Variants in NMT2 observed in about 807,000 individuals in gnomAD.
The protein encoded by NMT2 is N-myristoyltransferase 2, also known as glycylpeptide N-tetradecanoyltransferase 2.
In NMT2, 35 loss-of-function variants were observed where a neutral mutation model predicts 65.4. The ratio of observed to expected loss-of-function variants is 0.54; its 90% CI spans 0.41 to 0.71. The LOEUF (loss-of-function observed/expected upper bound fraction) is 0.71, where lower values mean the gene tolerates loss of function less well. Ranked by LOEUF, NMT2 falls within the 30% of genes least tolerant of loss-of-function variation. The pLI, the probability that NMT2 is intolerant of heterozygous loss-of-function variation, is 0.00. For missense variants in NMT2, 489 were observed against 611.3 expected (o/e 0.80, Z 2.11); for synonymous variants, 226 against 231.8 (o/e 0.98, Z 0.23).
At chr10:15,164,673 G>C (rs538889683) in intron 1 of NMT2, among the ~76,000 whole-genome samples, 3 of 152,286 alleles carry the variant, frequency 2.0e-5, no homozygotes, top group East Asian at 1.9e-4. Flanking sequence ...CAAAAACACA[G>C]CAAAATGAGG....
At chr10:15,113,534 C>T (rs903602948) in intron 9 of NMT2, among the ~76,000 whole-genome samples, 1 of 149,464 alleles carries the variant, frequency 6.7e-6, no homozygotes, top group African/African-American at 2.5e-5. Context: ...AAGCTTCCCT[C>T]AGGCTGACAA....
In NMT2 at chr10:15,127,564, A is replaced by G. The variant is rs796681355; in HGVS notation, c.999+786T>C. Among the ~76,000 whole-genome samples the G allele has an allele frequency of 3.3e-5, 3 of 90,410 alleles. No individual in the cohort carries two copies. The African/African-American group carries it at 3.9e-4, about 12-fold the overall frequency. 59.3% of individuals were successfully genotyped at this position (90,410 alleles called of 152,430 possible). A position where few individuals can be genotyped will look rare whatever the true frequency, so the allele number is the denominator to read the frequency against. ...TCCGTCTCAAAAAAAAAAAAAAAAA[A>G]AAAAAATAAATAAATAAATAAATAA... On this transcript the variant is annotated intron_variant, in intron 8 of 11. Coordinates refer to ENST00000378165, the MANE Select transcript of NMT2 (RefSeq NM_004808.3).
chr10:15,131,594 C>T (rs570123123), intron 6 of NMT2, among the ~76,000 whole-genome samples: 5 of 152,146 alleles, frequency 3.3e-5, no homozygotes, highest in East Asian at 3.8e-4. Context: ...AGAGCTGGTG[C>T]GCTCTGAACT....
intron 11 of NMT2, 36 bp from the exon 12 acceptor site, chr10:15,109,251 T>C (rs1404454623): frequency 5.0e-6 from 8 of 1,603,384 alleles, no homozygotes; most frequent in Non-Finnish European, 6.0e-6. Flanking sequence ...GTAAGAAAAA[T>C]TAGATTGCAA....
At chr10:15,130,703 CAAAAAA>C (rs974360507) in intron 6 of NMT2, among the ~76,000 whole-genome samples, 2 of 28,632 alleles carry the variant, frequency 7.0e-5, no homozygotes, top group African/African-American at 2.5e-4. Flanking sequence ...GGCCCTGTCT[CAAAAAA>C]AAAAAAAAAA....
At chr10:15,119,639 A>G in intron 8 of NMT2, 126 bp from the exon 9 acceptor site, 1 of 705,562 alleles carries the variant, frequency 1.4e-6, no homozygotes, top group Non-Finnish European at 2.4e-6. Flanking sequence ...TTAGAGCTGC[A>G]GAGCCTGGCC....
At chr10:15,152,359 G>A (rs1832835080) in intron 1 of NMT2, among the ~76,000 whole-genome samples, 1 of 152,220 alleles carries the variant, frequency 6.6e-6, no homozygotes, top group African/African-American at 2.4e-5. Flanking sequence ...TAAAAGCAGA[G>A]AAATACCACA....
At chr10:15,131,791 T>G (rs1846295023) in intron 6 of NMT2, among the ~76,000 whole-genome samples, 2 of 152,206 alleles carry the variant, frequency 1.3e-5, no homozygotes, top group Non-Finnish European at 2.9e-5. Flanking sequence ...TCTTTGACTT[T>G]CCGGGCTGGA....
intron 2 of NMT2, among the ~76,000 whole-genome samples, chr10:15,136,576 T>G (rs1216707839): frequency 6.6e-6 from 1 of 152,028 alleles, no homozygotes; most frequent in Non-Finnish European, 1.5e-5. Flanking sequence ...TCTCTAACCA[T>G]GCCCCTTCCT....
intron 2 of NMT2, among the ~76,000 whole-genome samples, chr10:15,136,426 A>C (rs941927264): frequency 3.2e-5 from 4 of 125,546 alleles, no homozygotes; most frequent in Non-Finnish European, 4.9e-5. Flanking sequence ...AGAGGGAGGA[A>C]GGAGGAAGGA....
intron 8 of NMT2, among the ~76,000 whole-genome samples, chr10:15,128,059 T>C (rs1026280888): frequency 6.6e-6 from 1 of 152,236 alleles, no homozygotes; most frequent in Non-Finnish European, 1.5e-5. Flanking sequence ...TTCTTCCTTC[T>C]TACTTAACAG....
chr10:15,129,379 A>T (rs1238274497), intron 7 of NMT2, among the ~76,000 whole-genome samples: 3 of 152,226 alleles, frequency 2.0e-5, no homozygotes, highest in African/African-American at 7.2e-5. Context: ...GAAACAGGTT[A>T]GTCTTGTGGG....
chr10:15,140,632 C>A (rs11259515), intron 2 of NMT2, among the ~76,000 whole-genome samples: 4,473 of 152,144 alleles, frequency 0.029, 214 homozygotes, highest in African/African-American at 0.1. Flanking sequence ...ATCCTCCCAC[C>A]TCGGCCTCCC....
chr10:15,153,468 G>A (rs1832874829), intron 1 of NMT2, among the ~76,000 whole-genome samples: 1 of 152,176 alleles, frequency 6.6e-6, no homozygotes, highest in Non-Finnish European at 1.5e-5. Flanking sequence ...GCCTATGGGG[G>A]AGAAGTTCAG....
At chr10:15,159,175 T>G (rs1833103029) in intron 1 of NMT2, among the ~76,000 whole-genome samples, 1 of 152,190 alleles carries the variant, frequency 6.6e-6, no homozygotes, top group Non-Finnish European at 1.5e-5. Flanking sequence ...GATAATCCCT[T>G]TCTTGGCCAG....
intron 2 of NMT2, 66 bp from the exon 3 acceptor site, chr10:15,135,484 C>A: frequency 6.5e-7 from 1 of 1,538,032 alleles, no homozygotes; most frequent in Non-Finnish European, 8.9e-7. Flanking sequence ...TGAGCAGACG[C>A]ACGTGCATCT....
intron 1 of NMT2, 35 bp from the exon 2 acceptor site, chr10:15,141,592 C>T (rs752067068): frequency 1.9e-6 from 3 of 1,568,800 alleles, no homozygotes; most frequent in Non-Finnish European, 1.7e-6. Context: ...AACCAACCAA[C>T]AAACAAAAAT....
chr10:15,160,164 T>C (rs986439153), intron 1 of NMT2, among the ~76,000 whole-genome samples: 2 of 152,184 alleles, frequency 1.3e-5, no homozygotes, highest in Non-Finnish European at 2.9e-5. Flanking sequence ...GAATTCAAAG[T>C]TGTTTTCTGC....
At chr10:15,157,353 A>G (rs1292507795) in intron 1 of NMT2, among the ~76,000 whole-genome samples, 1 of 152,200 alleles carries the variant, frequency 6.6e-6, no homozygotes. Context: ...AAGAGCCACC[A>G]TCCAGGGCAG....
Sources: allele counts gnomAD v4.1 joint callset (sites outside exome capture counted in the v4.1 genomes callset), GRCh38; gene constraint gnomAD v4.1.1; transcripts MANE v1.5; gene names NCBI Gene and HGNC (gene_info 2026-07-23, HGNC 2026-07-21).